The following RNF10 variants were observed in gnomAD, a reference collection of about 807,000 sequenced individuals.
RNF10 encodes ring finger protein 10.
RNF10 carries 38 observed loss-of-function variants against 91.4 expected under a neutral mutation model. That is an observed-to-expected ratio of 0.42 (90% confidence interval 0.32 to 0.54). The LOEUF (loss-of-function observed/expected upper bound fraction) is 0.54. Among genes scored for constraint, RNF10 ranks in the 20% least tolerant of loss-of-function variants. The pLI is 0.16. For synonymous variants in RNF10, 364 were observed against 366.3 expected (o/e 0.99, Z 0.07); for missense variants, 945 against 1,012.0 (o/e 0.93, Z 0.90).
chr12:120,562,914 CCTT>C (rs772622585), intron 7 of RNF10, 28 bp from the exon 8 acceptor site: 2 of 1,613,156 alleles, frequency 1.2e-6, no homozygotes, highest in Admixed American at 3.3e-5. Flanking sequence ...GGAAACTTAA[CCTT>C]CTCTGGTGTT....
intron 1 of RNF10, among the ~76,000 whole-genome samples, chr12:120,544,316 T>G (rs1470288329): frequency 7.2e-6 from 1 of 139,820 alleles, no homozygotes; most frequent in Non-Finnish European, 1.5e-5. Context: ...GTCCAGGAGT[T>G]GGAAACCAAT....
Position 120,566,934 on chromosome 12 carries a change from G to A in RNF10, c.1995G>A (p.Gly665=), listed in dbSNP as rs866460928. 3.1e-6 allele frequency: 5 copies of A among 1,612,590 alleles called. No homozygotes were observed. The East Asian group carries it at 8.9e-5, about 29-fold the overall frequency. The change falls in exon 13 of 17, where the codon GGG becomes GGA. Residue 665 remains glycine, a synonymous_variant. Coordinates refer to ENST00000325954, the MANE Select transcript of RNF10 (RefSeq NM_014868.5). ...ALGPTSTEGH[G]ALSISPLSRS... ...GTCCCACCAGCACCGAGGGCCATGG[G>A]GCCCTCTCCATTTCTCCTCTCAGCA...
intron 14 of RNF10, among the ~76,000 whole-genome samples, chr12:120,573,235 C>T (rs545248169): frequency 1.3e-5 from 2 of 152,238 alleles, no homozygotes; most frequent in African/African-American, 4.8e-5. Flanking sequence ...TTTATATCTC[C>T]ACATTTGTCT....
At position 120,566,850 on chromosome 12, in the gene RNF10, G is replaced by T. The variant is rs1417205830; in HGVS notation, c.1911G>T (p.Glu637Asp). 3.1e-6 allele frequency: 5 copies of T among 1,613,624 alleles called. No individual in the cohort carries two copies. The East Asian group carries it at 1.1e-4, about 36-fold the overall frequency. ...ACCCAGAAGTCCACATTCCCCTCGA[G>T]AATCTACAGCAGTTTCCTGCCTTCA... ...GKYPEVHIPLENLQQFPAFNS... is the reference protein window; with the variant it reads ...GKYPEVHIPLDNLQQFPAFNS... The change falls in exon 13 of 17, where the codon GAG becomes GAT. Residue 637 changes from glutamate to aspartate, a missense_variant. Glu to Asp is a conservative substitution (Grantham distance 45, BLOSUM62 2). Transcript: ENST00000325954.
At chr12:120,536,185 G>C (rs1870766332) in intron 1 of RNF10, among the ~76,000 whole-genome samples, 1 of 152,108 alleles carries the variant, frequency 6.6e-6, no homozygotes, top group Admixed American at 6.6e-5. Context: ...ACTTTGGGAG[G>C]CTGAGGTGGG....
In RNF10 at chr12:120,571,241, T is replaced by C; in HGVS notation, c.2092T>C (p.Phe698Leu). The change falls in exon 14 of 17, where the codon TTC becomes CTC. Residue 698 changes from phenylalanine (F) to leucine (L), a missense_variant. Transcript: ENST00000325954. ...CACTGCCAGTCAGGGCAGTCCCTCA[T>C]TCTGCGTTGGGAGTCTGGAAGAAGA... ...SPTASQGSPS[F>L]CVGSLEEDSP... 6.2e-7 allele frequency: 1 copy of C among 1,614,162 alleles called. No individual in the cohort carries two copies. Among genetic ancestry groups the C allele is most frequent in the Non-Finnish European group, 8.5e-7 (1 of 1,180,020 alleles).
In RNF10 at chr12:120,534,470, C is replaced by G. The variant is rs1446029398; in HGVS notation, c.-342C>G. 4.6e-6 allele frequency: 1 copy of G among 219,488 alleles called. No individual in the cohort carries two copies. The highest frequency in any genetic ancestry group is 6.3e-5 in the Admixed American group (1 of 15,912). 13.6% of individuals were successfully genotyped at this position (219,488 alleles called of 1,614,324 possible). ...GACACCGAGACAGCCAGCCCTCTCC[C>G]CTGCCTCGCGGCGGGAGAGCGTGTC... is the stretch of plus-strand genomic sequence containing the variant. On this transcript the variant is annotated 5_prime_UTR_variant, in exon 1 of 17. Transcript: ENST00000325954.
intron 2 of RNF10, among the ~76,000 whole-genome samples, chr12:120,549,146 A>G (rs1872693540): frequency 6.6e-6 from 1 of 152,118 alleles, no homozygotes; most frequent in African/African-American, 2.4e-5. Context: ...GTTCATCCCC[A>G]GTAACAAAAG....
At chr12:120,572,940 A>G (rs1482729391) in intron 14 of RNF10, among the ~76,000 whole-genome samples, 3 of 76,248 alleles carry the variant, frequency 3.9e-5, no homozygotes, top group Non-Finnish European at 5.4e-5. Flanking sequence ...CTTTATTGCT[A>G]TTGCTTTTTT....
At chr12:120,559,241 G>A (rs564802488) in intron 6 of RNF10, among the ~76,000 whole-genome samples, 63 of 142,750 alleles carry the variant, frequency 4.4e-4, no homozygotes, top group Admixed American at 2.4e-3. Context: ...GAGTGCAATG[G>A]TGTGATCTCG....
intron 2 of RNF10, among the ~76,000 whole-genome samples, chr12:120,549,160 G>C (rs1872694733): frequency 6.6e-6 from 1 of 152,106 alleles, no homozygotes; most frequent in Non-Finnish European, 1.5e-5. Flanking sequence ...ACAAAAGGAA[G>C]GCCTGGTGAT....
intron 14 of RNF10, chr12:120,575,223 C>T (rs745308694): frequency 8.1e-5 from 15 of 186,214 alleles, no homozygotes; most frequent in Non-Finnish European, 1.6e-4. Context: ...GCAACAAGAG[C>T]TAAACTGTCT....
chr12:120,537,986 G>A (rs1871081948), intron 1 of RNF10, among the ~76,000 whole-genome samples: 1 of 152,196 alleles, frequency 6.6e-6, no homozygotes, highest in Non-Finnish European at 1.5e-5. Flanking sequence ...CAGGAGCTCT[G>A]ATGCAGTGAC....
At chr12:120,559,251 G>A (rs1272275333) in intron 6 of RNF10, among the ~76,000 whole-genome samples, 3 of 137,954 alleles carry the variant, frequency 2.2e-5, no homozygotes, top group African/African-American at 8.5e-5. Flanking sequence ...GTGTGATCTC[G>A]GCTCACTGCA....
At chr12:120,574,786 C>T (rs576895715) in intron 14 of RNF10, 11 of 275,814 alleles carry the variant, frequency 4.0e-5, no homozygotes, top group South Asian at 3.4e-4. Context: ...ATTAGCCGGG[C>T]GTGGTGGTGC....
chr12:120,567,658 G>A (rs115181663), intron 13 of RNF10, among the ~76,000 whole-genome samples: 2,949 of 150,080 alleles, frequency 0.02, 95 homozygotes, highest in African/African-American at 0.068. Context: ...ACAAGGTTGC[G>A]TCACTGCATT....
intron 14 of RNF10, chr12:120,575,427 T>C: frequency 1.7e-6 from 1 of 595,008 alleles, no homozygotes; most frequent in Non-Finnish European, 3.0e-6. Context: ...TATGGTTTAC[T>C]ACCTTGTGGG....
At chr12:120,565,370 A>C in intron 11 of RNF10, 58 bp from the exon 12 acceptor site, 1 of 1,494,814 alleles carries the variant, frequency 6.7e-7, no homozygotes. Context: ...TAATACTGGG[A>C]GGAGGTAATG....
rs76740462 is a variant in RNF10 at position 120,576,570 on chromosome 12, C to G, written c.2360-20C>G. 5.8e-3 allele frequency: 9,286 copies of G among 1,611,532 alleles called. 466 individuals are homozygous for G. The African/African-American group carries it at 0.11, about 19-fold the overall frequency. ...GGGATGGCATTTTAAGTTAAGCTGTCTTTCTGTGTCTCCCTTTAGAAGAGA... is the reference window on the plus strand; with the variant it reads ...GGGATGGCATTTTAAGTTAAGCTGTGTTTCTGTGTCTCCCTTTAGAAGAGA... On this transcript the variant is annotated intron_variant, in intron 16 of 16. Coordinates refer to ENST00000325954, the MANE Select transcript of RNF10 (RefSeq NM_014868.5).
Sources: gnomAD v4.1 joint callset for allele counts (sites outside exome capture counted in the v4.1 genomes callset) on GRCh38, gnomAD v4.1.1 for gene constraint, MANE v1.5 for transcripts, NCBI Gene and HGNC (gene_info 2026-07-23, HGNC 2026-07-21) for gene names.